Variants in ARHGEF37 observed in about 807,000 individuals in gnomAD.
ARHGEF37 encodes the protein Rho guanine nucleotide exchange factor 37.
Under a neutral mutation model 71.1 loss-of-function variants are expected in ARHGEF37, and 55 were observed. That is an observed-to-expected ratio of 0.77 (90% CI 0.62 to 0.97). The LOEUF is 0.97. ARHGEF37 is among the 50% of genes least tolerant of loss of function. The probability of loss-of-function intolerance (pLI) is 0.00; values close to 1 mark genes in which losing one functional copy is unlikely to be tolerated. For synonymous variants in ARHGEF37, 327 were observed against 350.6 expected, an observed-to-expected ratio of 0.93 and a Z score of 0.75; for missense variants, 765 against 836.8, an observed-to-expected ratio of 0.91 and a Z score of 1.06.
In ARHGEF37 at chr5:149,565,709, G is replaced by C. The variant is rs563969873; in HGVS notation, c.-12+13586G>C. Among the ~76,000 whole-genome samples the C allele has an allele frequency of 1.6e-4, 24 of 152,150 alleles. No homozygotes were observed. The South Asian group carries it at 4.8e-3, about 30-fold the overall frequency. ...AAAAGATAGCCCCAGCCCTTATGAG[G>C]TTTACAGCCTAGATCTAGACTATAC... On this transcript the variant is annotated intron_variant, in intron 1 of 2. Transcript: ENST00000505810.
Position 149,568,416 on chromosome 5 carries a change from ATATT to A in ARHGEF37, c.-12+16301_-12+16304del, listed in dbSNP as rs1303600724. On this transcript the variant is annotated intron_variant, in intron 1 of 2. Coordinates refer to the ARHGEF37 transcript ENST00000505810. ...AAAAAGCAAACCTAATTAAAATTCA[ATATT>A]TATTTATAATGTTTTGAGGTAAAAT... Among the ~76,000 whole-genome samples, 10 of 152,308 alleles carry A rather than the reference ATATT, an allele frequency of 6.6e-5. No individual in the cohort carries two copies. In the East Asian group the frequency reaches 1.9e-3, roughly 29 times the overall value.
rs1763422277 is a variant in ARHGEF37 at position 149,591,997 on chromosome 5, CT to C, written c.-11-5758del. 2.0e-5 allele frequency among the ~76,000 whole-genome samples: 3 copies of C among 152,128 alleles called. No individual in the cohort carries two copies. In the South Asian group the frequency reaches 6.2e-4, roughly 31 times the overall value. ...CGAAGAGCATCTGTATAATATTTTG[CT>C]TTTACATTTTTATTTTGAAATAATT... On this transcript the variant is annotated intron_variant, in intron 1 of 12. Transcript: ENST00000333677.
intron 1 of ARHGEF37, among the ~76,000 whole-genome samples, chr5:149,552,796 A>T (rs926216468): frequency 1.3e-5 from 2 of 151,986 alleles, no homozygotes; most frequent in Non-Finnish European, 2.9e-5. Flanking sequence ...ACGCCACTGT[A>T]CTCCAGCCTG....
intron 10 of ARHGEF37, among the ~76,000 whole-genome samples, chr5:149,625,083 A>T (rs1192944090): frequency 6.6e-6 from 1 of 151,832 alleles, no homozygotes; most frequent in Non-Finnish European, 1.5e-5. Context: ...TTTTTAGTAG[A>T]GAGGGGGTTT....
chr5:149,557,630 C>T (rs1291339052), intron 1 of ARHGEF37, among the ~76,000 whole-genome samples: 1 of 152,156 alleles, frequency 6.6e-6, no homozygotes, highest in Non-Finnish European at 1.5e-5. Context: ...AGGCATGTGC[C>T]ACTGCACCTG....
intron 12 of ARHGEF37, among the ~76,000 whole-genome samples, chr5:149,629,555 A>G (rs1752811776): frequency 6.6e-6 from 1 of 152,110 alleles, no homozygotes; most frequent in South Asian, 2.1e-4. Context: ...GAAAAGGCCC[A>G]GTGACAGGAG....
chr5:149,584,796 A>G (rs753042394), intron 1 of ARHGEF37, among the ~76,000 whole-genome samples: 18 of 151,768 alleles, frequency 1.2e-4, no homozygotes, highest in Admixed American at 1.1e-3. Flanking sequence ...TAATTTTTGT[A>G]TTTTTAGTAG....
chr5:149,618,348 C>G (rs867162579), intron 6 of ARHGEF37, 42 bp downstream of exon 6: 3 of 1,612,790 alleles, frequency 1.9e-6, no homozygotes, highest in East Asian at 2.2e-5. Flanking sequence ...CCAGCCACCC[C>G]CAAGGCCAGG....
chr5:149,593,304 C>A (rs1379014992), intron 1 of ARHGEF37, among the ~76,000 whole-genome samples: 1 of 152,244 alleles, frequency 6.6e-6, no homozygotes, highest in Non-Finnish European at 1.5e-5. Context: ...TTGCATCCTT[C>A]AGCTCCAAAC....
At chr5:149,601,701 C>G (rs1210031706) in intron 3 of ARHGEF37, among the ~76,000 whole-genome samples, 1 of 152,128 alleles carries the variant, frequency 6.6e-6, no homozygotes, top group Non-Finnish European at 1.5e-5. Context: ...ATGGTAACTT[C>G]TGGGTGTGAG....
chr5:149,618,045 C>A (rs1752425716), intron 5 of ARHGEF37, 131 bp from the exon 6 acceptor site: 4 of 1,289,028 alleles, frequency 3.1e-6, no homozygotes, highest in Admixed American at 4.1e-5. Context: ...TCCTGTGTGA[C>A]TCACTAACCT....
chr5:149,593,021 C>T (rs1190316590), intron 1 of ARHGEF37, among the ~76,000 whole-genome samples: 1 of 152,186 alleles, frequency 6.6e-6, no homozygotes, highest in Non-Finnish European at 1.5e-5. Flanking sequence ...CCACCCACCT[C>T]AGCCTTCCAA....
chr5:149,571,085 G>A (rs1762957289), intron 1 of ARHGEF37, among the ~76,000 whole-genome samples: 1 of 148,500 alleles, frequency 6.7e-6, no homozygotes, highest in Non-Finnish European at 1.5e-5. Flanking sequence ...TGGGATTGCA[G>A]GCATGCGCCA....
chr5:149,628,645 AC>A (rs1250610221), intron 11 of ARHGEF37, among the ~76,000 whole-genome samples, 163 bp from the exon 12 acceptor site: 2 of 152,176 alleles, frequency 1.3e-5, no homozygotes, highest in African/African-American at 4.8e-5. Flanking sequence ...GAAGCCAGAA[AC>A]GGTGAGTGTG....
chr5:149,620,452 C>G lies in ARHGEF37; in HGVS notation c.993C>G (p.Ala331=), dbSNP rs749100719. The G allele has an allele frequency of 6.2e-7, 1 of 1,608,174 alleles. No homozygotes were observed. The highest frequency in any genetic ancestry group is 8.5e-7 in the Non-Finnish European group (1 of 1,176,960). The change falls in exon 8 of 13, where the codon GCC becomes GCG. Residue 331 remains alanine, a synonymous_variant. Transcript: ENST00000333677. ...CNLARDLHLE[A]FLKFKQRLEG... ...TGGCAAGAGACCTTCACCTTGAGGC[C>G]TTCCTGAAATTTGTGAGTGGAACCT...
intron 1 of ARHGEF37, among the ~76,000 whole-genome samples, chr5:149,566,092 C>T (rs984308332): frequency 6.6e-6 from 1 of 151,400 alleles, no homozygotes. Flanking sequence ...GTGATCCACC[C>T]GCCTTGGCCG....
At chr5:149,587,511 G>C (rs1763271027) in intron 1 of ARHGEF37, among the ~76,000 whole-genome samples, 1 of 152,176 alleles carries the variant, frequency 6.6e-6, no homozygotes, top group South Asian at 2.1e-4. Flanking sequence ...TCCTAGGAAA[G>C]CCAGCTAATG....
At chr5:149,553,041 A>G (rs1170832644) in intron 1 of ARHGEF37, among the ~76,000 whole-genome samples, 2 of 152,158 alleles carry the variant, frequency 1.3e-5, no homozygotes, top group Admixed American at 1.3e-4. Flanking sequence ...ACTGTTAGAC[A>G]TCATTCTCCT....
At chr5:149,578,789 T>C (rs1345394469), upstream of ARHGEF37, among the ~76,000 whole-genome samples, 1 of 152,218 alleles carries the variant, frequency 6.6e-6, no homozygotes. Context: ...TGGATTCCTT[T>C]GTTAGAGGTT....
Sources: allele counts gnomAD v4.1 joint callset (sites outside exome capture counted in the v4.1 genomes callset), GRCh38; gene constraint gnomAD v4.1.1; transcripts MANE v1.5; gene names NCBI Gene and HGNC (gene_info 2026-07-23, HGNC 2026-07-21).